The following NSMCE2 variants were observed in gnomAD, a reference collection of about 807,000 sequenced individuals.
NSMCE2 encodes the protein NSE2 SUMO ligase component of SMC5/6 complex.
In NSMCE2, 24 loss-of-function variants were observed where a neutral mutation model predicts 23.8. The observed-to-expected ratio is 1.01, with a 90% CI of 0.73 to 1.42. The LOEUF (loss-of-function observed/expected upper bound fraction) is 1.42, where lower values mean the gene tolerates loss of function less well. Among genes scored for constraint, NSMCE2 ranks in the 40% most tolerant of loss-of-function variants. NSMCE2 has a pLI of 0.00. For synonymous variants in NSMCE2, 92 were observed against 94.1 expected, an observed-to-expected ratio of 0.98 and a Z score of 0.13; for missense variants, 284 against 296.5, an observed-to-expected ratio of 0.96 and a Z score of 0.31.
chr8:125,174,500 CA>C (rs1259554145), intron 4 of NSMCE2, among the ~76,000 whole-genome samples: 1 of 152,100 alleles, frequency 6.6e-6, no homozygotes, highest in African/African-American at 2.4e-5. Flanking sequence ...GGCATGGTGC[CA>C]TGGGAAATTT....
chr8:125,271,543 T>C (rs1439275534), intron 5 of NSMCE2, among the ~76,000 whole-genome samples: 1 of 152,186 alleles, frequency 6.6e-6, no homozygotes, highest in African/African-American at 2.4e-5. Context: ...AGGATTACAA[T>C]AGCTGAGTCA....
intron 5 of NSMCE2, among the ~76,000 whole-genome samples, chr8:125,264,778 C>T (rs1028124733): frequency 2.0e-5 from 3 of 152,144 alleles, no homozygotes; most frequent in African/African-American, 7.2e-5. Flanking sequence ...TTTTCTTATA[C>T]CATCTTGCAG....
At chr8:125,180,665 A>G (rs1255748016) in intron 4 of NSMCE2, among the ~76,000 whole-genome samples, 2 of 152,210 alleles carry the variant, frequency 1.3e-5, no homozygotes, top group African/African-American at 2.4e-5. Context: ...GACTAGTTGG[A>G]TGTAGAAGAT....
chr8:125,265,597 C>T (rs1826878214), intron 5 of NSMCE2, among the ~76,000 whole-genome samples: 1 of 152,128 alleles, frequency 6.6e-6, no homozygotes, highest in African/African-American at 2.4e-5. Flanking sequence ...TTTTTGTACC[C>T]TCTTAAATTT....
chr8:125,263,205 C>G (rs550759847), intron 5 of NSMCE2, among the ~76,000 whole-genome samples: 221 of 152,218 alleles, frequency 1.5e-3, no homozygotes, highest in African/African-American at 5.1e-3. Context: ...TTCAAGCAGC[C>G]TAGACTTGGA....
intron 5 of NSMCE2, among the ~76,000 whole-genome samples, chr8:125,260,963 T>C (rs1447000436): frequency 6.6e-6 from 1 of 152,144 alleles, no homozygotes; most frequent in Non-Finnish European, 1.5e-5. Context: ...GCACAGATAT[T>C]TTAAGGCAAA....
intron 5 of NSMCE2, among the ~76,000 whole-genome samples, chr8:125,217,285 C>T (rs1210643872): frequency 6.6e-6 from 1 of 151,990 alleles, no homozygotes; most frequent in African/African-American, 2.4e-5. Context: ...TTCAGGGAGT[C>T]CTAGAGGTCT....
chr8:125,163,295 GA>G (rs1192230654), intron 4 of NSMCE2, among the ~76,000 whole-genome samples: 37 of 152,154 alleles, frequency 2.4e-4, no homozygotes, highest in African/African-American at 8.7e-4. Context: ...AGACAGCAAT[GA>G]AAAGTGAAAT....
chr8:125,250,037 T>C (rs1826138597), intron 5 of NSMCE2, among the ~76,000 whole-genome samples: 1 of 152,250 alleles, frequency 6.6e-6, no homozygotes, highest in Non-Finnish European at 1.5e-5. Context: ...TTGCCCAGGC[T>C]GGAGTGCAAT....
intron 4 of NSMCE2, among the ~76,000 whole-genome samples, chr8:125,153,056 CAA>C (rs768246218): frequency 4.2e-5 from 2 of 47,460 alleles, no homozygotes; most frequent in Admixed American, 2.4e-4. Context: ...GACTCCGTCT[CAA>C]AAAAAAAAAA....
At chr8:125,339,678 G>C (rs943722121) in intron 5 of NSMCE2, among the ~76,000 whole-genome samples, 1 of 151,944 alleles carries the variant, frequency 6.6e-6, no homozygotes, top group Non-Finnish European at 1.5e-5. Context: ...TCACATTTTT[G>C]CCTTTGCTCA....
At chr8:125,320,690 A>G (rs772496346) in intron 5 of NSMCE2, among the ~76,000 whole-genome samples, 4 of 152,210 alleles carry the variant, frequency 2.6e-5, no homozygotes, top group Non-Finnish European at 4.4e-5. Context: ...TTTTTCAGAC[A>G]TACAAACAAT....
At position 125,191,808 on chromosome 8, in the gene NSMCE2, A is replaced by G. The variant is rs193098255; in HGVS notation, c.418+9552A>G. Among the ~76,000 whole-genome samples the G allele has an allele frequency of 2.9e-3, 444 of 152,312 alleles. 1 individual carries two copies. Among genetic ancestry groups the G allele is most frequent in the Non-Finnish European group, 5.2e-3 (355 of 68,026 alleles). ...ACATACATCATCTCGCGTAATCTTT[A>G]CAACATCCACACGCAGGAAAGGAAT... is the stretch of plus-strand genomic sequence containing the variant. On this transcript the variant is annotated intron_variant, in intron 5 of 7. Transcript: ENST00000287437.
At chr8:125,164,516 T>A (rs1821775241) in intron 4 of NSMCE2, among the ~76,000 whole-genome samples, 1 of 152,196 alleles carries the variant, frequency 6.6e-6, no homozygotes, top group Non-Finnish European at 1.5e-5. Flanking sequence ...TTGGGAAATT[T>A]AGTCAAAACA....
At chr8:125,354,616 C>T (rs1449129934) in intron 5 of NSMCE2, among the ~76,000 whole-genome samples, 2 of 151,464 alleles carry the variant, frequency 1.3e-5, no homozygotes, top group Admixed American at 1.3e-4. Context: ...AATGCTCTGA[C>T]TGGTTATTCC....
chr8:125,215,076 A>G (rs921288819), intron 5 of NSMCE2, among the ~76,000 whole-genome samples: 1 of 151,520 alleles, frequency 6.6e-6, no homozygotes, highest in East Asian at 1.9e-4. Flanking sequence ...GTTTTAGGGA[A>G]CATGTGCACA....
chr8:125,132,260 G>C (rs1819811224), intron 3 of NSMCE2, among the ~76,000 whole-genome samples: 1 of 152,040 alleles, frequency 6.6e-6, no homozygotes, highest in African/African-American at 2.4e-5. Flanking sequence ...ATTGCACCTG[G>C]ATAATTTTTC....
At chr8:125,235,490 A>G (rs563712099) in intron 5 of NSMCE2, among the ~76,000 whole-genome samples, 1 of 152,342 alleles carries the variant, frequency 6.6e-6, no homozygotes, top group South Asian at 2.1e-4. Flanking sequence ...TTTTCTGTGC[A>G]TAAGCAAGAA....
At chr8:125,248,517 G>T (rs1162437068) in intron 5 of NSMCE2, among the ~76,000 whole-genome samples, 1 of 152,160 alleles carries the variant, frequency 6.6e-6, no homozygotes, top group African/African-American at 2.4e-5. Flanking sequence ...GCTGGGCATG[G>T]TGGTGCATGC....
Sources: gnomAD v4.1 joint callset for allele counts (sites outside exome capture counted in the v4.1 genomes callset) on GRCh38, gnomAD v4.1.1 for gene constraint, MANE v1.5 for transcripts, NCBI Gene and HGNC (gene_info 2026-07-23, HGNC 2026-07-21) for gene names.